GNAL: variants seen among roughly 807,000 people sequenced by gnomAD.
GNAL encodes G protein subunit alpha L.
In GNAL, 18 loss-of-function variants were observed where a neutral mutation model predicts 55.1. The observed-to-expected ratio is 0.33, with a 90% CI of 0.23 to 0.48. GNAL has a LOEUF of 0.48. GNAL is among the 20% of genes least tolerant of loss of function. GNAL has a pLI of 0.99. For missense variants in GNAL, 412 were observed against 614.1 expected (o/e 0.67, Z 3.48); for synonymous variants, 253 against 237.0 (o/e 1.07, Z -0.62).
intron 1 of GNAL, among the ~76,000 whole-genome samples, chr18:11,741,239 G>A (rs184296024): frequency 6.6e-6 from 1 of 152,286 alleles, no homozygotes; most frequent in African/African-American, 2.4e-5. Flanking sequence ...GAGTTCATCC[G>A]GGAAAGGGTG....
chr18:11,842,041 C>T (rs1380074844), intron 5 of GNAL, among the ~76,000 whole-genome samples: 3 of 151,488 alleles, frequency 2.0e-5, no homozygotes, highest in African/African-American at 7.3e-5. Context: ...GGTGCAATCT[C>T]GACTCACCTC....
In GNAL at chr18:11,759,805, T is replaced by C. The variant is rs184527362; in HGVS notation, c.624+5860T>C. 9.2e-5 allele frequency among the ~76,000 whole-genome samples: 14 copies of C among 152,350 alleles called. No individual in the cohort carries two copies. In the East Asian group the frequency reaches 2.7e-3, roughly 29 times the overall value. On this transcript the variant is annotated intron_variant, in intron 4 of 11. Coordinates refer to ENST00000334049, the MANE Select transcript of GNAL (RefSeq NM_182978.4). Reference sequence around the variant, plus strand: ...TGTGTGCAGAATCTCCAGAATGCGGTCAGATTCTTCCGCACAATATCTGTG... The same window carrying C: ...TGTGTGCAGAATCTCCAGAATGCGGCCAGATTCTTCCGCACAATATCTGTG...
intron 4 of GNAL, among the ~76,000 whole-genome samples, chr18:11,774,864 C>T (rs2033735244): frequency 2.0e-5 from 3 of 152,194 alleles, no homozygotes; most frequent in Admixed American, 1.3e-4. Flanking sequence ...GGTCGATAGA[C>T]ATTGCGGGTA....
chr18:11,850,235 G>A (rs1028406002), intron 5 of GNAL, among the ~76,000 whole-genome samples: 2 of 152,202 alleles, frequency 1.3e-5, no homozygotes, highest in Non-Finnish European at 2.9e-5. Context: ...CCAGCATGCT[G>A]CACAGCAGGT....
chr18:11,884,271 T>C lies in GNAL; in HGVS notation c.*3136T>C, dbSNP rs996488366. 4.7e-6 allele frequency: 3 copies of C among 632,916 alleles called. No homozygotes were observed. Among genetic ancestry groups the C allele is most frequent in the African/African-American group, 1.8e-5 (1 of 54,898 alleles). The allele number at this position is 632,916 out of a possible 1,614,324, so 39.2% of individuals were successfully genotyped here. A position where few individuals can be genotyped will look rare whatever the true frequency, so the allele number is the denominator to read the frequency against. ...AGAGTACCTGTCCACTTTTATAGCA[T>C]GAGAACAGTACAATCAACTATTTAT... On this transcript the variant is annotated 3_prime_UTR_variant, in exon 12 of 12. Coordinates refer to ENST00000334049, the MANE Select transcript of GNAL (RefSeq NM_182978.4).
At chr18:11,769,773 T>G (rs1598442416) in intron 4 of GNAL, among the ~76,000 whole-genome samples, 1 of 152,248 alleles carries the variant, frequency 6.6e-6, no homozygotes, top group East Asian at 1.9e-4. Flanking sequence ...TCATCCCAAG[T>G]GGAGGTAAAA....
chr18:11,712,166 G>A (rs1391038367), intron 1 of GNAL, among the ~76,000 whole-genome samples: 1 of 152,150 alleles, frequency 6.6e-6, no homozygotes, highest in Non-Finnish European at 1.5e-5. Context: ...CTTTCCTCAG[G>A]CATTTAAACT....
intron 4 of GNAL, among the ~76,000 whole-genome samples, chr18:11,802,094 G>A (rs1427345875): frequency 6.6e-6 from 1 of 152,014 alleles, no homozygotes; most frequent in African/African-American, 2.4e-5. Context: ...TTTCTGGTAG[G>A]AAGACTACTT....
Position 11,865,388 on chromosome 18 carries a change from G to A in GNAL, c.851+782G>A, listed in dbSNP as rs143106229. 4.0e-3 allele frequency among the ~76,000 whole-genome samples: 600 copies of A among 149,352 alleles called. 8 individuals carry two copies. The highest frequency in any genetic ancestry group is 6.8e-3 in the Middle Eastern group (2 of 294). ...TTCTCCCAGCTTTTCCTGCCGTAGCGCTTCTGTTCATCTTGTCCTCTGAGC... is the reference window on the plus strand; with the variant it reads ...TTCTCCCAGCTTTTCCTGCCGTAGCACTTCTGTTCATCTTGTCCTCTGAGC... On this transcript the variant is annotated intron_variant, in intron 7 of 11. Transcript: ENST00000334049.
At chr18:11,851,382 C>A in intron 5 of GNAL, 2 of 1,218,074 alleles carry the variant, frequency 1.6e-6, no homozygotes, top group African/African-American at 1.5e-5. Flanking sequence ...TCACCACCTG[C>A]GCCGCTCACA....
At chr18:11,799,503 T>C (rs1321138641) in intron 4 of GNAL, among the ~76,000 whole-genome samples, 1 of 152,194 alleles carries the variant, frequency 6.6e-6, no homozygotes, top group Admixed American at 6.5e-5. Context: ...TTCAGTTTGC[T>C]ATCAGCTGAC....
At chr18:11,819,057 C>G (rs189521849) in intron 4 of GNAL, among the ~76,000 whole-genome samples, 3 of 152,230 alleles carry the variant, frequency 2.0e-5, no homozygotes, top group African/African-American at 7.2e-5. Flanking sequence ...ACCACACTCA[C>G]GTCAAGTGAT....
intron 1 of GNAL, among the ~76,000 whole-genome samples, chr18:11,731,023 A>G (rs533716694): frequency 6.6e-6 from 1 of 152,322 alleles, no homozygotes; most frequent in Admixed American, 6.5e-5. Context: ...CACAGAATCT[A>G]TTGCATTAGA....
chr18:11,839,387 TAA>T (rs75127479), intron 5 of GNAL, among the ~76,000 whole-genome samples: 12 of 134,830 alleles, frequency 8.9e-5, no homozygotes, highest in East Asian at 2.1e-4. Context: ...CTACTAAAAG[TAA>T]AAAAAAAAAA....
Position 11,864,682 on chromosome 18 carries a change from G to A in GNAL, c.851+76G>A, listed in dbSNP as rs1051059454. The A allele has an allele frequency of 9.6e-6, 8 of 835,090 alleles. No individual in the cohort carries two copies. The South Asian group carries it at 1.1e-4, about 11-fold the overall frequency. The allele number at this position is 835,090 out of a possible 1,614,324, so 51.7% of individuals were successfully genotyped here. ...AGCCGAAGGGCTGTGAGGTTTAAGG[G>A]GGCTTCATTCCTGAATGTGCATGGC... On this transcript the variant is annotated intron_variant, in intron 7 of 11. Transcript: ENST00000334049.
At chr18:11,731,145 T>TTTG (rs925953901) in intron 1 of GNAL, among the ~76,000 whole-genome samples, 10 of 152,106 alleles carry the variant, frequency 6.6e-5, no homozygotes, top group Non-Finnish European at 1.2e-4. Context: ...GAATTCAGTT[T>TTTG]TTGTTGTTGT....
intron 1 of GNAL, among the ~76,000 whole-genome samples, chr18:11,750,825 G>T (rs1345269227): frequency 1.3e-5 from 2 of 152,156 alleles, no homozygotes; most frequent in African/African-American, 2.4e-5. Flanking sequence ...GAAAGGTGTT[G>T]TGTGGTTCAG....
At chr18:11,759,851 C>G (rs1054184164) in intron 4 of GNAL, among the ~76,000 whole-genome samples, 1 of 152,214 alleles carries the variant, frequency 6.6e-6, no homozygotes, top group Admixed American at 6.5e-5. Flanking sequence ...AAGCCTGTGT[C>G]TATCTCCTGC....
Position 11,884,842 on chromosome 18 carries a change from C to T in GNAL, c.*3707C>T. On this transcript the variant is annotated 3_prime_UTR_variant, in exon 12 of 12. Coordinates refer to ENST00000334049, the MANE Select transcript of GNAL (RefSeq NM_182978.4). ...TCCAGCAGGAGAGACAAGTAAGGCC[C>T]AAGTGTGCCTGAGTGGAAAATGTCT... 7.2e-7 allele frequency: 1 copy of T among 1,385,926 alleles called. No homozygotes were observed. 85.9% of individuals were successfully genotyped at this position (1,385,926 alleles called of 1,614,324 possible).
Sources: gnomAD v4.1 joint callset for allele counts (sites outside exome capture counted in the v4.1 genomes callset) on GRCh38, gnomAD v4.1.1 for gene constraint, MANE v1.5 for transcripts, NCBI Gene and HGNC (gene_info 2026-07-23, HGNC 2026-07-21) for gene names.